Variants in CEP89 observed in about 807,000 individuals in gnomAD.
The protein encoded by CEP89 is centrosomal protein 89.
In CEP89, 95 loss-of-function variants were observed where a neutral mutation model predicts 97.6. That is an observed-to-expected ratio of 0.97 (90% CI 0.82 to 1.15). The LOEUF (loss-of-function observed/expected upper bound fraction) is 1.15, where lower values mean the gene tolerates loss of function less well. CEP89 is among the 50% of genes most tolerant of loss of function. The probability of loss-of-function intolerance (pLI) is 0.00; values close to 1 mark genes in which losing one functional copy is unlikely to be tolerated. For synonymous variants in CEP89, 354 were observed against 349.1 expected, an observed-to-expected ratio of 1.01 and a Z score of -0.16; for missense variants, 869 against 947.7, an observed-to-expected ratio of 0.92 and a Z score of 1.09.
At chr19:32,884,228 C>A (rs910373423) in intron 17 of CEP89, among the ~76,000 whole-genome samples, 1 of 152,120 alleles carries the variant, frequency 6.6e-6, no homozygotes, top group African/African-American at 2.4e-5. Flanking sequence ...TGAATTCTAT[C>A]TTGGCATATG....
intron 14 of CEP89, among the ~76,000 whole-genome samples, chr19:32,908,252 G>A (rs1339861477): frequency 2.0e-5 from 3 of 152,262 alleles, no homozygotes; most frequent in Non-Finnish European, 4.4e-5. Flanking sequence ...GGCAGGGGGA[G>A]AAATGACCAT....
Position 32,901,297 on chromosome 19 carries a change from C to A in CEP89, c.1681G>T (p.Glu561Ter), listed in dbSNP as rs1280070194. 20 of 1,614,060 alleles carry A rather than the reference C, an allele frequency of 1.2e-5. No homozygotes were observed. Among genetic ancestry groups the A allele is most frequent in the Non-Finnish European group, 1.4e-5 (17 of 1,180,032 alleles). The change falls in exon 15 of 19, where the codon GAG (glutamate) becomes TAG (stop). Residue 561 changes from glutamate to a stop codon, truncating the protein, a stop_gained. Coordinates refer to ENST00000305768, the MANE Select transcript of CEP89 (RefSeq NM_032816.5). LOFTEE classifies it high-confidence loss of function. ...TCGGCTTCCAGTGCTTTGTTTTGCT[C>A]TGTCAAACTGTTCTTCTCTAACAGC... is the stretch of plus-strand genomic sequence containing the variant. ...SLLLEKNSLT[E>*]QNKALEAELE...
At chr19:32,970,657 C>G (rs1052389942) in intron 1 of CEP89, 1 of 152,076 alleles carries the variant, frequency 6.6e-6, no homozygotes, top group Non-Finnish European at 1.5e-5. Context: ...CCACCACGCC[C>G]GCTAATTTTT....
At chr19:32,900,439 T>A (rs7245502) in intron 15 of CEP89, among the ~76,000 whole-genome samples, 33,256 of 151,542 alleles carry the variant, frequency 0.22, 3,886 homozygotes, top group East Asian at 0.52. Flanking sequence ...ATATATATAT[T>A]TTTTTAAGTA....
At chr19:32,935,533 A>C (rs1027809098) in intron 7 of CEP89, among the ~76,000 whole-genome samples, 2 of 152,240 alleles carry the variant, frequency 1.3e-5, no homozygotes, top group Non-Finnish European at 2.9e-5. Flanking sequence ...ACATCATGAA[A>C]AATGAATGCA....
intron 14 of CEP89, among the ~76,000 whole-genome samples, chr19:32,904,465 A>G (rs1175247256): frequency 6.6e-6 from 1 of 152,192 alleles, no homozygotes; most frequent in Non-Finnish European, 1.5e-5. Context: ...TTCCCAACGG[A>G]AGTACTGTAA....
intron 4 of CEP89, among the ~76,000 whole-genome samples, chr19:32,953,058 G>C (rs1217510616): frequency 6.6e-6 from 1 of 151,676 alleles, no homozygotes. Flanking sequence ...ATCGGGATTC[G>C]CAGAGCAGCT....
chr19:32,964,264 C>T (rs1971235786), intron 2 of CEP89, among the ~76,000 whole-genome samples: 1 of 152,066 alleles, frequency 6.6e-6, no homozygotes, highest in African/African-American at 2.4e-5. Context: ...CCTCTGCCTC[C>T]AGGTTCAGGC....
At chr19:32,946,783 G>A (rs1458900992) in intron 5 of CEP89, among the ~76,000 whole-genome samples, 1 of 152,060 alleles carries the variant, frequency 6.6e-6, no homozygotes, top group Non-Finnish European at 1.5e-5. Flanking sequence ...TGTAAGATGT[G>A]CCTTTCACCT....
chr19:32,917,266 C>A (rs867960057), intron 13 of CEP89, among the ~76,000 whole-genome samples: 2 of 152,134 alleles, frequency 1.3e-5, no homozygotes, highest in Admixed American at 6.5e-5. Flanking sequence ...CTTAACAATG[C>A]CGGAGTAAAG....
chr19:32,937,462 G>T, intron 7 of CEP89, 169 bp downstream of exon 7: 3 of 611,462 alleles, frequency 4.9e-6, no homozygotes, highest in Non-Finnish European at 5.9e-6. Flanking sequence ...CATCCTGTAT[G>T]GACATACGTC....
At chr19:32,905,171 A>G (rs1969862230) in intron 14 of CEP89, among the ~76,000 whole-genome samples, 1 of 152,210 alleles carries the variant, frequency 6.6e-6, no homozygotes, top group African/African-American at 2.4e-5. Flanking sequence ...ATTGTTTCCA[A>G]TCTCAATAGG....
chr19:32,950,259 G>A (rs1970882717), intron 4 of CEP89, among the ~76,000 whole-genome samples: 1 of 152,046 alleles, frequency 6.6e-6, no homozygotes, highest in African/African-American at 2.4e-5. Flanking sequence ...TAGGTAAGAT[G>A]ACTTAAAAAG....
intron 4 of CEP89, among the ~76,000 whole-genome samples, chr19:32,951,522 T>C (rs973456644): frequency 1.9e-5 from 1 of 51,300 alleles, no homozygotes; most frequent in East Asian, 8.4e-4. Context: ...TATATATATA[T>C]ATATATATAT....
In CEP89 at chr19:32,931,574, A is replaced by G; in HGVS notation, c.887-3T>C. ...ATAAAGTAATTCAGGTGCAGCAACT[A>G]GGGAAAAAAATTTAATATTATACTA... On this transcript the variant is annotated splice_region_variant and splice_polypyrimidine_tract_variant and intron_variant, in intron 8 of 18. Coordinates refer to ENST00000305768, the MANE Select transcript of CEP89 (RefSeq NM_032816.5). 1 of 1,573,860 alleles carries G rather than the reference A, an allele frequency of 6.4e-7. No homozygotes were observed. The highest frequency in any genetic ancestry group is 8.6e-7 in the Non-Finnish European group (1 of 1,168,206).
At chr19:32,948,148 T>A (rs1442300329) in intron 5 of CEP89, 118 bp downstream of exon 5, 1 of 564,298 alleles carries the variant, frequency 1.8e-6, no homozygotes, top group Non-Finnish European at 3.1e-6. Flanking sequence ...ATATTCCTAG[T>A]TAAAATCACA....
chr19:32,961,196 A>G (rs1971159213), intron 2 of CEP89, among the ~76,000 whole-genome samples: 1 of 152,034 alleles, frequency 6.6e-6, no homozygotes, highest in Non-Finnish European at 1.5e-5. Flanking sequence ...CGGGTGCAGC[A>G]CTCAGAAAGG....
At chr19:32,943,279 G>A (rs1970726692) in intron 5 of CEP89, among the ~76,000 whole-genome samples, 1 of 152,202 alleles carries the variant, frequency 6.6e-6, no homozygotes, top group Non-Finnish European at 1.5e-5. Context: ...TCATAGGCCT[G>A]AGCCACTGTG....
At chr19:32,889,053 TG>T (rs926156036) in intron 16 of CEP89, among the ~76,000 whole-genome samples, 3 of 152,084 alleles carry the variant, frequency 2.0e-5, no homozygotes, top group Non-Finnish European at 4.4e-5. Flanking sequence ...GTCCTCCCAC[TG>T]TTGGTGTATG....
Sources: gnomAD v4.1 joint callset for allele counts (sites outside exome capture counted in the v4.1 genomes callset) on GRCh38, gnomAD v4.1.1 for gene constraint, MANE v1.5 for transcripts, NCBI Gene and HGNC (gene_info 2026-07-23, HGNC 2026-07-21) for gene names.